Variants in ALDH7A1 observed in about 807,000 individuals in gnomAD.
The protein encoded by ALDH7A1 is alpha-aminoadipic semialdehyde dehydrogenase.
ALDH7A1 carries 63 observed loss-of-function variants against 79.9 expected under a neutral mutation model. The observed-to-expected ratio is 0.79, with a 90% CI of 0.64 to 0.97. ALDH7A1 has a LOEUF of 0.97. ALDH7A1 is among the 50% of genes least tolerant of loss of function. The pLI is 0.00. For missense variants in ALDH7A1, 627 were observed against 665.2 expected, an observed-to-expected ratio of 0.94 and a Z score of 0.63; for synonymous variants, 240 against 231.2, an observed-to-expected ratio of 1.04 and a Z score of -0.34.
At chr5:126,564,718 T>C (rs1750510516) in intron 9 of ALDH7A1, 2 of 459,362 alleles carry the variant, frequency 4.4e-6, no homozygotes, top group Non-Finnish European at 7.2e-6. Context: ...GCTTGCTGGC[T>C]ATAGCATAGC....
intron 3 of ALDH7A1, 56 bp from the exon 4 acceptor site, chr5:126,584,068 A>C: frequency 7.2e-7 from 1 of 1,386,180 alleles, no homozygotes; most frequent in Non-Finnish European, 1.0e-6. Context: ...CATGTTTATA[A>C]CACAGTATTG....
rs1749661072 is a variant in ALDH7A1 at position 126,543,001 on chromosome 5, T to C, written c.*1964A>G. Reference sequence around the variant, plus strand: ...TGAACACAATTCCCCGCATCCACAATGGAGGCTGGGCATTGCCAGCAGTAG... The same window carrying C: ...TGAACACAATTCCCCGCATCCACAACGGAGGCTGGGCATTGCCAGCAGTAG... On this transcript the variant is annotated 3_prime_UTR_variant, in exon 18 of 18. Transcript: ENST00000409134. The C allele has an allele frequency of 6.6e-6, 1 of 152,234 alleles. No homozygotes were observed. Among genetic ancestry groups the C allele is most frequent in the South Asian group, 2.1e-4 (1 of 4,824 alleles). 9.4% of individuals were successfully genotyped at this position (152,234 alleles called of 1,614,324 possible).
In ALDH7A1 at chr5:126,561,245, C is replaced by G. The variant is rs532391167; in HGVS notation, c.872-121G>C. 2.7e-5 allele frequency: 20 copies of G among 732,732 alleles called. No homozygotes were observed. In the South Asian group the frequency reaches 3.7e-4, roughly 13 times the overall value. 45.4% of individuals were successfully genotyped at this position (732,732 alleles called of 1,614,324 possible). ...CCTGTCCAATTATTTTTTATATAGC[C>G]TATCCCAATCATATAGCCTATCCTG... On this transcript the variant is annotated intron_variant, in intron 9 of 17. Transcript: ENST00000409134.
intron 3 of ALDH7A1, among the ~76,000 whole-genome samples, chr5:126,585,154 C>T (rs542952478): frequency 2.6e-4 from 40 of 152,034 alleles, no homozygotes; most frequent in Admixed American, 4.6e-4. Context: ...AAAAATTAGC[C>T]GGGCATGGTG....
chr5:126,594,262 T>G (rs182060818), intron 1 of ALDH7A1: 211 of 471,014 alleles, frequency 4.5e-4, no homozygotes, highest in Non-Finnish European at 7.3e-4. Context: ...CGTCCAAGCT[T>G]GCAAACTCCC....
At chr5:126,578,810 T>A (rs561635390) in intron 5 of ALDH7A1, among the ~76,000 whole-genome samples, 1 of 152,200 alleles carries the variant, frequency 6.6e-6, no homozygotes, top group East Asian at 1.9e-4. Context: ...GGTTCACAAA[T>A]CCCAGTTAAA....
intron 2 of ALDH7A1, among the ~76,000 whole-genome samples, 198 bp from the exon 3 acceptor site, chr5:126,592,927 C>T (rs567776757): frequency 1.3e-5 from 2 of 152,166 alleles, no homozygotes; most frequent in Admixed American, 6.5e-5. Flanking sequence ...TCCAACTATG[C>T]TTTAAAACCT....
intron 6 of ALDH7A1, among the ~76,000 whole-genome samples, chr5:126,576,801 C>G (rs546358414): frequency 6.6e-6 from 1 of 152,252 alleles, no homozygotes; most frequent in South Asian, 2.1e-4. Flanking sequence ...GTTGCGCATG[C>G]CTGTAATCCC....
intron 10 of ALDH7A1, among the ~76,000 whole-genome samples, chr5:126,560,432 C>T (rs1482689655): frequency 6.6e-6 from 1 of 152,154 alleles, no homozygotes; most frequent in East Asian, 1.9e-4. Flanking sequence ...GATCGCACCA[C>T]TGCACTCCAG....
intron 2 of ALDH7A1, among the ~76,000 whole-genome samples, chr5:126,592,978 T>C (rs1751600973): frequency 6.6e-6 from 1 of 152,178 alleles, no homozygotes; most frequent in Non-Finnish European, 1.5e-5. Flanking sequence ...TCTGGGAACA[T>C]GTAAGGCATA....
intron 9 of ALDH7A1, chr5:126,562,161 TAAC>T (rs905224014): frequency 2.0e-5 from 3 of 152,062 alleles, no homozygotes. Context: ...AAATGTGGTA[TAAC>T]AATACAGTGA....
chr5:126,565,713 T>C (rs1404840456), intron 9 of ALDH7A1, among the ~76,000 whole-genome samples: 1 of 152,220 alleles, frequency 6.6e-6, no homozygotes, highest in Admixed American at 6.5e-5. Flanking sequence ...ATTCCTATGT[T>C]TTCTTCTAAG....
chr5:126,545,186 C>T (rs775259805), intron 17 of ALDH7A1, among the ~76,000 whole-genome samples, 167 bp from the exon 18 acceptor site: 1 of 151,966 alleles, frequency 6.6e-6, no homozygotes, highest in Non-Finnish European at 1.5e-5. Flanking sequence ...GTATGGATCC[C>T]GTTTTATTTA....
chr5:126,545,050 A>T, intron 17 of ALDH7A1, 31 bp from the exon 18 acceptor site: 5 of 1,496,918 alleles, frequency 3.3e-6, no homozygotes, highest in Non-Finnish European at 4.7e-6. Context: ...AATTAATGAC[A>T]GTACATACAT....
chr5:126,589,299 A>G (rs1197490927), intron 3 of ALDH7A1, among the ~76,000 whole-genome samples: 1 of 151,990 alleles, frequency 6.6e-6, no homozygotes, highest in African/African-American at 2.4e-5. Context: ...CTGGGGTTAC[A>G]GGCGCGCACC....
intron 6 of ALDH7A1, among the ~76,000 whole-genome samples, chr5:126,575,754 C>G (rs774893683): frequency 6.6e-6 from 1 of 152,218 alleles, no homozygotes; most frequent in African/African-American, 2.4e-5. Context: ...GTTATAGGAA[C>G]TGAGTGAAGC....
intron 12 of ALDH7A1, chr5:126,554,863 G>C: frequency 3.8e-6 from 1 of 262,108 alleles, no homozygotes; most frequent in South Asian, 4.6e-5. Flanking sequence ...GCTGTCCTAT[G>C]TTACGGCTGC....
intron 10 of ALDH7A1, among the ~76,000 whole-genome samples, chr5:126,560,133 C>A (rs1318092217): frequency 6.6e-6 from 1 of 152,050 alleles, no homozygotes; most frequent in Non-Finnish European, 1.5e-5. Flanking sequence ...GACACTAGTG[C>A]TCACTAAATG....
Position 126,554,267 on chromosome 5 carries a change from G to T in ALDH7A1, c.1200+20C>A, listed in dbSNP as rs1252781910. ...AGAAGGTTAAAAAGCTGTCACAATT[G>T]ATCTCAGAGCATCCCTTACCTTGCC... On this transcript the variant is annotated intron_variant, in intron 13 of 17. Transcript: ENST00000409134. The T allele has an allele frequency of 6.2e-7, 1 of 1,603,868 alleles. No individual in the cohort carries two copies. The highest frequency in any genetic ancestry group is 1.7e-5 in the Admixed American group (1 of 59,996).
Sources: allele counts gnomAD v4.1 joint callset (sites outside exome capture counted in the v4.1 genomes callset), GRCh38; gene constraint gnomAD v4.1.1; transcripts MANE v1.5; gene names NCBI Gene and HGNC (gene_info 2026-07-23, HGNC 2026-07-21).